Variants in PLCB1 observed in about 807,000 individuals in gnomAD.
The protein encoded by PLCB1 is 1-phosphatidylinositol 4,5-bisphosphate phosphodiesterase beta-1.
In PLCB1, 46 loss-of-function variants were observed where a neutral mutation model predicts 161.8. The observed-to-expected ratio is 0.28, with a 90% CI of 0.22 to 0.36. The LOEUF (loss-of-function observed/expected upper bound fraction) is 0.36, where lower values mean the gene tolerates loss of function less well. PLCB1 is among the 10% of genes least tolerant of loss of function. The probability of loss-of-function intolerance (pLI) is 1.00; values close to 1 mark genes in which losing one functional copy is unlikely to be tolerated. For missense variants in PLCB1, 1,016 were observed against 1,472.5 expected, an observed-to-expected ratio of 0.69 and a Z score of 5.07; for synonymous variants, 517 against 503.7, an observed-to-expected ratio of 1.03 and a Z score of -0.35.
chr20:8,540,300 C>G (rs1010320608), intron 3 of PLCB1, among the ~76,000 whole-genome samples: 2 of 151,996 alleles, frequency 1.3e-5, no homozygotes, highest in African/African-American at 4.8e-5. Context: ...CAGGGTGGGA[C>G]TTCTCTTTTT....
At chr20:8,366,743 T>A (rs1310172246) in intron 2 of PLCB1, among the ~76,000 whole-genome samples, 3 of 152,132 alleles carry the variant, frequency 2.0e-5, no homozygotes, top group Non-Finnish European at 2.9e-5. Context: ...ATTAATGGCC[T>A]TGGAAATAAA....
At chr20:8,381,176 C>G (rs1235143) in intron 3 of PLCB1, among the ~76,000 whole-genome samples, 59,841 of 151,958 alleles carry the variant, frequency 0.39, 12,062 homozygotes, top group South Asian at 0.51. Flanking sequence ...TTATCAAAGG[C>G]CTTTTCTGCA....
chr20:8,313,721 C>T (rs911821314), intron 2 of PLCB1, among the ~76,000 whole-genome samples: 4 of 152,302 alleles, frequency 2.6e-5, no homozygotes, highest in Admixed American at 6.5e-5. Flanking sequence ...CAGAATCTTG[C>T]TCCTACTCAC....
chr20:8,566,840 T>A (rs1187993865), intron 3 of PLCB1, among the ~76,000 whole-genome samples: 1 of 151,312 alleles, frequency 6.6e-6, no homozygotes, highest in African/African-American at 2.4e-5. Context: ...TACACATTCA[T>A]GACATACAGC....
chr20:8,350,644 C>T (rs2122257191), intron 2 of PLCB1, among the ~76,000 whole-genome samples: 1 of 152,234 alleles, frequency 6.6e-6, no homozygotes, highest in South Asian at 2.1e-4. Context: ...TTTTCTGCCT[C>T]TAGATCTTTG....
In PLCB1 at chr20:8,486,481, A is replaced by T. The variant is rs1379678020; in HGVS notation, c.246+115031A>T. Among the ~76,000 whole-genome samples, 140 of 85,754 alleles carry T rather than the reference A, an allele frequency of 1.6e-3. 1 individual carries two copies. Among genetic ancestry groups the T allele is most frequent in the Middle Eastern group, 0.01 (1 of 98 alleles). The allele number at this position is 85,754 out of a possible 152,430, so 56.3% of individuals were successfully genotyped here. A position where few individuals can be genotyped will look rare whatever the true frequency, so the allele number is the denominator to read the frequency against. On this transcript the variant is annotated intron_variant, in intron 3 of 31. Coordinates refer to ENST00000338037, the MANE Select transcript of PLCB1 (RefSeq NM_015192.4). ...CTCTCAGCTGCTTTTATTCCAAAAT[A>T]TTTTTTTTTTTTTTTTTTTTTTTTT...
chr20:8,134,030 C>T (rs2051318644), intron 1 of PLCB1, among the ~76,000 whole-genome samples: 1 of 152,196 alleles, frequency 6.6e-6, no homozygotes, highest in South Asian at 2.1e-4. Context: ...GGAGTATGAA[C>T]CACAGCTTCC....
chr20:8,512,933 A>G (rs374586163), intron 3 of PLCB1, among the ~76,000 whole-genome samples: 2 of 152,002 alleles, frequency 1.3e-5, no homozygotes, highest in Non-Finnish European at 2.9e-5. Flanking sequence ...TTTGACCATC[A>G]TCTCCCCTTT....
chr20:8,884,871 A>G lies in PLCB1; in HGVS notation c.*3022A>G, dbSNP rs1239866829. On this transcript the variant is annotated 3_prime_UTR_variant, in exon 32 of 32. Transcript: ENST00000338037. ...TTTTATGTGCTTTCATCACAAATCC[A>G]AAGGAAAGAATAAAAATTTCTTAAC... 6.5e-6 allele frequency: 1 copy of G among 152,740 alleles called. No homozygotes were observed. The highest frequency in any genetic ancestry group is 1.5e-5 in the Non-Finnish European group (1 of 68,036). The allele number at this position is 152,740 out of a possible 1,614,324, so 9.5% of individuals were successfully genotyped here.
Position 8,238,853 on chromosome 20 carries a change from G to A in PLCB1, c.177+88482G>A, listed in dbSNP as rs540600312. On this transcript the variant is annotated intron_variant, in intron 2 of 31. Transcript: ENST00000338037. ...TCTTAGGGATGGTGGAGTCCATTGA[G>A]TAAATGGGTGGCTGGGGGGAAGACA... 2.9e-5 allele frequency among the ~76,000 whole-genome samples: 4 copies of A among 139,936 alleles called. No individual in the cohort carries two copies. In the South Asian group the frequency reaches 9.8e-4, roughly 34 times the overall value. The allele number at this position is 139,936 out of a possible 152,430, so 91.8% of individuals were successfully genotyped here. A position where few individuals can be genotyped will look rare whatever the true frequency, so the allele number is the denominator to read the frequency against.
intron 10 of PLCB1, among the ~76,000 whole-genome samples, chr20:8,693,724 G>T (rs933255626): frequency 5.3e-5 from 8 of 152,196 alleles, no homozygotes; most frequent in Non-Finnish European, 1.0e-4. Flanking sequence ...TCAGAAGTTT[G>T]TGTTAATGGA....
At chr20:8,205,799 T>C (rs6077326) in intron 2 of PLCB1, among the ~76,000 whole-genome samples, 119,085 of 151,958 alleles carry the variant, frequency 0.78, 46,876 homozygotes, top group East Asian at 0.86. Flanking sequence ...AATAGGGGCA[T>C]GGGAGAAGGG....
intron 3 of PLCB1, among the ~76,000 whole-genome samples, chr20:8,596,063 C>T (rs1293116748): frequency 6.6e-6 from 1 of 150,720 alleles, no homozygotes; most frequent in African/African-American, 2.4e-5. Context: ...CCTGTTCACA[C>T]TGATGGTAGT....
intron 2 of PLCB1, among the ~76,000 whole-genome samples, chr20:8,224,671 A>G (rs1229807074): frequency 6.6e-6 from 1 of 152,162 alleles, no homozygotes; most frequent in African/African-American, 2.4e-5. Context: ...TAAAGTTTAT[A>G]ATTCAAAATA....
intron 26 of PLCB1, among the ~76,000 whole-genome samples, chr20:8,772,655 G>A (rs955340577): frequency 1.3e-5 from 2 of 152,136 alleles, no homozygotes; most frequent in Non-Finnish European, 2.9e-5. Context: ...CATTCAGGCC[G>A]GGCGCGGTGG....
intron 25 of PLCB1, among the ~76,000 whole-genome samples, chr20:8,761,584 T>C (rs1982031799): frequency 6.6e-6 from 1 of 152,144 alleles, no homozygotes; most frequent in South Asian, 2.1e-4. Context: ...AGTGGTACAA[T>C]CTCGGCTGAC....
At chr20:8,661,842 GTATT>G (rs1355281273) in intron 9 of PLCB1, among the ~76,000 whole-genome samples, 2 of 147,844 alleles carry the variant, frequency 1.4e-5, no homozygotes, top group Non-Finnish European at 3.0e-5. Context: ...CATAACTTCA[GTATT>G]TAATAAATCT....
chr20:8,273,164 C>T (rs1982368673), intron 2 of PLCB1, among the ~76,000 whole-genome samples: 2 of 152,146 alleles, frequency 1.3e-5, no homozygotes, highest in African/African-American at 4.8e-5. Flanking sequence ...TGGAGATAAT[C>T]ATCATTAAAG....
chr20:8,345,428 A>G (rs1314945108), intron 2 of PLCB1, among the ~76,000 whole-genome samples: 1 of 152,184 alleles, frequency 6.6e-6, no homozygotes, highest in East Asian at 1.9e-4. Flanking sequence ...TTTATTTTTG[A>G]TGATGTTCAT....
Sources: allele counts gnomAD v4.1 joint callset (sites outside exome capture counted in the v4.1 genomes callset), GRCh38; gene constraint gnomAD v4.1.1; transcripts MANE v1.5; gene names NCBI Gene and HGNC (gene_info 2026-07-23, HGNC 2026-07-21).